The following PCDHGA11 variants were observed in gnomAD, a reference collection of about 807,000 sequenced individuals.
The protein encoded by PCDHGA11 is protocadherin gamma subfamily A, 11.
Under a neutral mutation model 60.4 loss-of-function variants are expected in PCDHGA11, and 39 were observed. That is an observed-to-expected ratio of 0.65 (90% CI 0.50 to 0.84). The LOEUF (loss-of-function observed/expected upper bound fraction) is 0.84, where lower values mean the gene tolerates loss of function less well. Among genes scored for constraint, PCDHGA11 ranks in the 40% least tolerant of loss-of-function variants. The pLI is 0.00. For missense variants in PCDHGA11, 1,165 were observed against 1,197.7 expected, an observed-to-expected ratio of 0.97 and a Z score of 0.40; for synonymous variants, 533 against 510.3, an observed-to-expected ratio of 1.04 and a Z score of -0.60.
chr5:141,454,998 G>A (rs909142112), intron 1 of PCDHGA11, among the ~76,000 whole-genome samples: 1 of 151,220 alleles, frequency 6.6e-6, no homozygotes, highest in Admixed American at 6.6e-5. Flanking sequence ...ATTTTTAGTA[G>A]AGACGGGGTT....
At chr5:141,506,308 G>A (rs941724820) in intron 3 of PCDHGA11, among the ~76,000 whole-genome samples, 8 of 152,100 alleles carry the variant, frequency 5.3e-5, no homozygotes. Flanking sequence ...AATTAGCTGG[G>A]CATGGTGGTG....
chr5:141,441,565 C>T (rs1049476318), intron 1 of PCDHGA11: 62 of 200,838 alleles, frequency 3.1e-4, no homozygotes, highest in African/African-American at 1.4e-3. Context: ...CAAGTAGACA[C>T]CTCCAACCTA....
At chr5:141,430,811 A>G (rs1193066300) in intron 1 of PCDHGA11, 1 of 1,527,400 alleles carries the variant, frequency 6.5e-7, no homozygotes. Flanking sequence ...CCTGCTGGGA[A>G]TCCTCCTGGG....
At chr5:141,430,996 G>A (rs1256552269) in intron 1 of PCDHGA11, 6 of 1,614,024 alleles carry the variant, frequency 3.7e-6, no homozygotes, top group Non-Finnish European at 5.1e-6. Context: ...CCCTGAATCC[G>A]CGCAGCGGCA....
chr5:141,505,270 G>C, intron 2 of PCDHGA11, 123 bp from the exon 3 acceptor site: 1 of 1,520,726 alleles, frequency 6.6e-7, no homozygotes, highest in African/African-American at 1.4e-5. Context: ...CTTGCTGAGA[G>C]AAACAGGTCT....
At chr5:141,479,391 T>G (rs2099494461) in intron 1 of PCDHGA11, 1 of 152,266 alleles carries the variant, frequency 6.6e-6, no homozygotes, top group Non-Finnish European at 1.5e-5. Flanking sequence ...AGCCCAGGAG[T>G]TCTGGGCTGT....
chr5:141,478,109 T>C, intron 1 of PCDHGA11: 1 of 1,614,086 alleles, frequency 6.2e-7, no homozygotes, highest in Non-Finnish European at 8.5e-7. Context: ...CCTCACTGTG[T>C]CAGTAACCGA....
chr5:141,473,763 G>A (rs1333191998), intron 1 of PCDHGA11, among the ~76,000 whole-genome samples: 1 of 152,204 alleles, frequency 6.6e-6, no homozygotes, highest in African/African-American at 2.4e-5. Context: ...ACTATGCAAA[G>A]GATTTGGTAT....
Position 141,505,432 on chromosome 5 carries a change from C to T in PCDHGA11, c.2532C>T (p.Asn844=), listed in dbSNP as rs776731214. Residue 844 remains asparagine, a synonymous_variant, in exon 3 of 4, where the codon AAC becomes AAT. Transcript: ENST00000398587. ...ATGACACCGGCACCTGGCCCAACAA[C>T]CAGTTTGACACAGAGATGCTGCAAG... ...NGDDTGTWPN[N]QFDTEMLQAM... 6.2e-7 allele frequency: 1 copy of T among 1,614,252 alleles called. No homozygotes were observed. Among genetic ancestry groups the T allele is most frequent in the Non-Finnish European group, 8.5e-7 (1 of 1,180,048 alleles).
At position 141,423,686 on chromosome 5, in the gene PCDHGA11, A is replaced by T. The variant is rs752078243; in HGVS notation, c.2433+26A>T. 10 of 1,328,296 alleles carry T rather than the reference A, an allele frequency of 7.5e-6. No homozygotes were observed. The East Asian group carries it at 3.6e-4, about 47-fold the overall frequency. The allele number at this position is 1,328,296 out of a possible 1,614,324, so 82.3% of individuals were successfully genotyped here. The stretch of plus-strand genomic sequence containing the variant: ...GTGAGATTTATTTCTCTGCCTCCTA[A>T]TTGTTGGTGTCTTGGCACAAGTCTT... On this transcript the variant is annotated intron_variant, in intron 1 of 3. Transcript: ENST00000398587.
At chr5:141,470,469 A>T (rs1423801455) in intron 1 of PCDHGA11, among the ~76,000 whole-genome samples, 1 of 152,194 alleles carries the variant, frequency 6.6e-6, no homozygotes, top group Non-Finnish European at 1.5e-5. Context: ...ATTTTCTGAT[A>T]TTACTAACCC....
chr5:141,423,107 T>G lies in PCDHGA11; in HGVS notation c.1880T>G (p.Val627Gly), dbSNP rs1590430250. Residue 627 changes from valine to glycine, a missense_variant, in exon 1 of 4, where the codon GTG becomes GGG. Val to Gly is a moderately radical substitution (Grantham distance 109). Coordinates refer to ENST00000398587, the MANE Select transcript of PCDHGA11 (RefSeq NM_018914.3). The part of the protein sequence containing the change: ...LFAVGEHTGE[V>G]RTARALLDRD... ...GCGGTGGGGGAGCACACGGGCGAGG[T>G]GCGTACAGCGCGGGCACTGCTGGAC... 1 of 1,613,696 alleles carries G rather than the reference T, an allele frequency of 6.2e-7. No homozygotes were observed. The highest frequency in any genetic ancestry group is 2.2e-5 in the East Asian group (1 of 44,870).
At chr5:141,483,258 T>G (rs2099579023) in intron 1 of PCDHGA11, among the ~76,000 whole-genome samples, 1 of 137,930 alleles carries the variant, frequency 7.3e-6, no homozygotes, top group South Asian at 2.1e-4. Flanking sequence ...TCATGAGGTT[T>G]TTTTGTTTTA....
At position 141,431,192 on chromosome 5, in the gene PCDHGA11, A is replaced by T. The variant is rs769745353; in HGVS notation, c.2433+7532A>T. 8.7e-6 allele frequency: 14 copies of T among 1,614,042 alleles called. No homozygotes were observed. Among genetic ancestry groups the T allele is most frequent in the African/African-American group, 2.7e-5 (2 of 74,912 alleles). On this transcript the variant is annotated intron_variant, in intron 1 of 3. Coordinates refer to ENST00000398587, the MANE Select transcript of PCDHGA11 (RefSeq NM_018914.3). This position sits in a 1 kb window ranked among gnomAD's most constrained non-coding sequence, Gnocchi z 4.8. ...TGAATTAGAAATAAAAATTAGTGAA[A>T]ATGCAGCCACTGAGATGCGGTTCCC...
intron 1 of PCDHGA11, 144 bp from the exon 2 acceptor site, chr5:141,494,663 G>A: frequency 6.7e-7 from 1 of 1,499,356 alleles, no homozygotes; most frequent in Non-Finnish European, 9.0e-7. Flanking sequence ...TGTCTTTGGA[G>A]ATGAGTCCAC....
intron 1 of PCDHGA11, among the ~76,000 whole-genome samples, chr5:141,449,177 G>T (rs2098631167): frequency 6.6e-6 from 1 of 152,028 alleles, no homozygotes. Flanking sequence ...AATTTTCTTA[G>T]GTATTTTCAC....
intron 1 of PCDHGA11, among the ~76,000 whole-genome samples, chr5:141,492,437 C>T (rs182333697): frequency 8.5e-5 from 13 of 152,332 alleles, no homozygotes; most frequent in Admixed American, 8.5e-4. Flanking sequence ...CAGGAGTACT[C>T]GTAGCTGATT....
In PCDHGA11 at chr5:141,422,304, A is replaced by C. The variant is rs1265775894; in HGVS notation, c.1077A>C (p.Glu359Asp). The part of the protein sequence containing the change: ...TITSSINSIL[E>D]NSPPGTVIAL... ...CCTCTTCTATTAATTCAATTCTGGAAAACTCTCCTCCAGGTACAGTGATTG... is the reference window on the plus strand; with the variant it reads ...CCTCTTCTATTAATTCAATTCTGGACAACTCTCCTCCAGGTACAGTGATTG... Residue 359 changes from glutamate (E) to aspartate (D), a missense_variant, in exon 1 of 4, where the codon GAA becomes GAC. Physicochemically the swap from Glu to Asp is conservative, Grantham distance 45. Transcript: ENST00000398587. 2 of 1,548,406 alleles carry C rather than the reference A, an allele frequency of 1.3e-6. No homozygotes were observed.
chr5:141,440,056 G>A, intron 1 of PCDHGA11: 1 of 152,648 alleles, frequency 6.6e-6, no homozygotes, highest in East Asian at 1.9e-4. Flanking sequence ...GAAAGCTTCG[G>A]GTTAATGCTG....
Sources: gnomAD v4.1 joint callset for allele counts (sites outside exome capture counted in the v4.1 genomes callset) on GRCh38, gnomAD v4.1.1 for gene constraint, Gnocchi (gnomAD v3.1) non-coding constraint, MANE v1.5 for transcripts, NCBI Gene and HGNC (gene_info 2026-07-23, HGNC 2026-07-21) for gene names.